ATP9A: variants seen among roughly 807,000 people sequenced by gnomAD.
ATP9A encodes probable phospholipid-transporting ATPase IIA.
Under a neutral mutation model 144.1 loss-of-function variants are expected in ATP9A, and 52 were observed. That is an observed-to-expected ratio of 0.36 (90% confidence interval 0.29 to 0.45). The LOEUF is 0.45. Ranked by LOEUF, ATP9A falls within the 20% of genes least tolerant of loss-of-function variation. The probability of loss-of-function intolerance (pLI) is 1.00; values close to 1 mark genes in which losing one functional copy is unlikely to be tolerated. For synonymous variants in ATP9A, 582 were observed against 557.4 expected (o/e 1.04, Z -0.62); for missense variants, 947 against 1,392.7 (o/e 0.68, Z 5.09).
chr20:51,679,766 G>C (rs2077492241), intron 9 of ATP9A, among the ~76,000 whole-genome samples: 1 of 152,108 alleles, frequency 6.6e-6, no homozygotes. Flanking sequence ...TGCTGCCTGG[G>C]GTCAGGGCTA....
At chr20:51,660,137 T>A (rs907926399) in intron 13 of ATP9A, among the ~76,000 whole-genome samples, 2 of 152,204 alleles carry the variant, frequency 1.3e-5, no homozygotes, top group Non-Finnish European at 2.9e-5. Flanking sequence ...TTCATTTCTG[T>A]CCGCATTCCT....
chr20:51,619,062 G>A lies in ATP9A; in HGVS notation c.2116-19C>T, dbSNP rs1265900376. The A allele has an allele frequency of 2.5e-6, 4 of 1,601,014 alleles. No homozygotes were observed. The highest frequency in any genetic ancestry group is 2.2e-5 in the East Asian group (1 of 44,826). Reference sequence around the variant, plus strand: ...TGGTCACCTGGAAGGGAACAGAGATGGGGAAGGAGGCATTGCTCTCCGGAC... The same window carrying A: ...TGGTCACCTGGAAGGGAACAGAGATAGGGAAGGAGGCATTGCTCTCCGGAC... On this transcript the variant is annotated intron_variant, in intron 19 of 27. Coordinates refer to ENST00000338821, the MANE Select transcript of ATP9A (RefSeq NM_006045.3).
chr20:51,684,623 G>A (rs571302017), intron 9 of ATP9A, among the ~76,000 whole-genome samples: 24 of 151,304 alleles, frequency 1.6e-4, no homozygotes, highest in African/African-American at 5.1e-4. Context: ...GTGAACCCGG[G>A]AGGCGGAGCT....
chr20:51,726,922 G>A lies in ATP9A; in HGVS notation c.214-990C>T, dbSNP rs547900070. On this transcript the variant is annotated intron_variant, in intron 2 of 27. Coordinates refer to ENST00000338821, the MANE Select transcript of ATP9A (RefSeq NM_006045.3). ...TTTTTTTTTTTTTTTTTTTTGAGAC[G>A]GAGCCTTGCTCTGTTGTTTAGGAGG... Among the ~76,000 whole-genome samples, 6 of 120,718 alleles carry A rather than the reference G, an allele frequency of 5.0e-5. 1 individual carries two copies. The highest frequency in any genetic ancestry group is 2.0e-4 in the Admixed American group (2 of 9,848). The allele number at this position is 120,718 out of a possible 152,430, so 79.2% of individuals were successfully genotyped here. A position where few individuals can be genotyped will look rare whatever the true frequency, so the allele number is the denominator to read the frequency against.
intron 26 of ATP9A, among the ~76,000 whole-genome samples, chr20:51,607,063 GAGTT>G (rs923057600): frequency 1.6e-4 from 25 of 151,626 alleles, no homozygotes; most frequent in African/African-American, 3.4e-4. Context: ...AAATTTAAAA[GAGTT>G]AGGAAAAATA....
At chr20:51,656,569 T>TA (rs1384100987) in intron 14 of ATP9A, among the ~76,000 whole-genome samples, 1 of 151,920 alleles carries the variant, frequency 6.6e-6, no homozygotes. Context: ...AAAAATAAAA[T>TA]AAAAAAGTCA....
At chr20:51,624,554 C>T (rs2077240001) in intron 18 of ATP9A, among the ~76,000 whole-genome samples, 1 of 152,164 alleles carries the variant, frequency 6.6e-6, no homozygotes, top group Non-Finnish European at 1.5e-5. Context: ...CTCACTTGGC[C>T]ACACGGCAGA....
At chr20:51,754,357 G>C (rs2077846866) in intron 1 of ATP9A, among the ~76,000 whole-genome samples, 1 of 152,002 alleles carries the variant, frequency 6.6e-6, no homozygotes, top group African/African-American at 2.4e-5. Context: ...CAAAAAAGTA[G>C]CCAGGCCTGG....
chr20:51,684,792 C>T (rs1182959491), intron 9 of ATP9A, among the ~76,000 whole-genome samples: 4 of 150,920 alleles, frequency 2.7e-5, no homozygotes, highest in Admixed American at 1.3e-4. Flanking sequence ...AGGTGGGTCA[C>T]GAGGTCAGGA....
chr20:51,717,849 G>T (rs956508945), intron 3 of ATP9A, among the ~76,000 whole-genome samples: 15 of 152,030 alleles, frequency 9.9e-5, no homozygotes, highest in African/African-American at 3.6e-4. Context: ...AGCTACTTAG[G>T]GGGCTGAGGC....
At chr20:51,697,349 G>C in intron 5 of ATP9A, 75 bp downstream of exon 5, 1 of 1,408,124 alleles carries the variant, frequency 7.1e-7, no homozygotes, top group Admixed American at 2.1e-5. Flanking sequence ...CATTCACTTC[G>C]TCTACCAGAT....
rs75006849 is a variant in ATP9A, at chr20:51,737,287, G to A, written c.69-7309C>T. ...TGGGGACCATCAAGAGTGACTGTTC[G>A]GTCCATGCAGGAGCTCTCTTGCCCC... On this transcript the variant is annotated intron_variant, in intron 1 of 27. Transcript: ENST00000338821. 2.0e-5 allele frequency among the ~76,000 whole-genome samples: 3 copies of A among 152,222 alleles called. No individual in the cohort carries two copies. In the East Asian group the frequency reaches 5.8e-4, roughly 29 times the overall value.
chr20:51,607,432 ATTCGT>A (rs1385217616), intron 26 of ATP9A, 90 bp downstream of exon 26: 2 of 1,163,386 alleles, frequency 1.7e-6, no homozygotes, highest in South Asian at 1.4e-5. Flanking sequence ...GCTATTTCAG[ATTCGT>A]TTCTTCTCTT....
chr20:51,646,411 T>A (rs958588449), intron 14 of ATP9A, among the ~76,000 whole-genome samples: 1 of 152,214 alleles, frequency 6.6e-6, no homozygotes, highest in Non-Finnish European at 1.5e-5. Flanking sequence ...TTCAATAAGA[T>A]AAATACTTAA....
intron 9 of ATP9A, among the ~76,000 whole-genome samples, chr20:51,679,000 A>G (rs2077488980): frequency 6.6e-6 from 1 of 152,008 alleles, no homozygotes; most frequent in Middle Eastern, 3.2e-3. Flanking sequence ...ATAACTGGCC[A>G]CTTTTAAATT....
intron 4 of ATP9A, among the ~76,000 whole-genome samples, chr20:51,708,691 A>T (rs2077624907): frequency 6.6e-6 from 1 of 152,178 alleles, no homozygotes; most frequent in Non-Finnish European, 1.5e-5. Context: ...AGCTGAGATC[A>T]CGCTACTGCA....
At chr20:51,606,314 G>C (rs2077163337) in intron 26 of ATP9A, among the ~76,000 whole-genome samples, 1 of 152,150 alleles carries the variant, frequency 6.6e-6, no homozygotes, top group African/African-American at 2.4e-5. Flanking sequence ...TTATATATGT[G>C]TACCTGTCCA....
Position 51,639,243 on chromosome 20 carries a change from A to G in ATP9A, c.1668+100T>C. 3.9e-6 allele frequency: 5 copies of G among 1,270,386 alleles called. No individual in the cohort carries two copies. The South Asian group carries it at 7.6e-5, about 19-fold the overall frequency. The allele number at this position is 1,270,386 out of a possible 1,614,324, so 78.7% of individuals were successfully genotyped here. A position where few individuals can be genotyped will look rare whatever the true frequency, so the allele number is the denominator to read the frequency against. ...TCCCTTGTTAGTCTGGGTGACAGAT[A>G]CCACAGTAAAGAGGGTTAGAAAGAA... On this transcript the variant is annotated intron_variant, in intron 15 of 27. Coordinates refer to ENST00000338821, the MANE Select transcript of ATP9A (RefSeq NM_006045.3).
chr20:51,764,969 C>A (rs1295822665), intron 1 of ATP9A, among the ~76,000 whole-genome samples: 1 of 152,122 alleles, frequency 6.6e-6, no homozygotes, highest in Non-Finnish European at 1.5e-5. Flanking sequence ...GATCCGCCCA[C>A]CTTGGCCTCC....
Sources: gnomAD v4.1 joint callset for allele counts (sites outside exome capture counted in the v4.1 genomes callset) on GRCh38, gnomAD v4.1.1 for gene constraint, MANE v1.5 for transcripts, NCBI Gene and HGNC (gene_info 2026-07-23, HGNC 2026-07-21) for gene names.